RFX3: variants seen among roughly 807,000 people sequenced by gnomAD.
RFX3 encodes the protein regulatory factor X3, also known as transcription factor RFX3.
A neutral mutation model predicts 98.6 loss-of-function variants in RFX3; 14 were observed. The observed-to-expected ratio is 0.14, with a 90% confidence interval of 0.09 to 0.22. The LOEUF (loss-of-function observed/expected upper bound fraction) is 0.22, where lower values mean the gene tolerates loss of function less well. Ranked by LOEUF, RFX3 falls within the 10% of genes least tolerant of loss-of-function variation. The probability of loss-of-function intolerance (pLI) is 1.00; values close to 1 mark genes in which losing one functional copy is unlikely to be tolerated. For synonymous variants in RFX3, 383 were observed against 328.4 expected, an observed-to-expected ratio of 1.17 and a Z score of -1.80; for missense variants, 639 against 926.9, an observed-to-expected ratio of 0.69 and a Z score of 4.03.
Position 3,422,909 on chromosome 9 carries a change from T to TA in RFX3, c.-8-27314dup, listed in dbSNP as rs1415078960. 8.5e-5 allele frequency among the ~76,000 whole-genome samples: 13 copies of TA among 152,150 alleles called. 1 individual carries two copies. In the South Asian group the frequency reaches 1.7e-3, roughly 19 times the overall value. On this transcript the variant is annotated intron_variant, in intron 1 of 16. Coordinates refer to ENST00000617270, the MANE Select transcript of RFX3 (RefSeq NM_001282116.2). Reference sequence around the variant, plus strand: ...TGGACTGTGACAATGGAGCTATATTTAAAAAAATAATTAAAAACCTCTATA... The same window carrying TA: ...TGGACTGTGACAATGGAGCTATATTTAAAAAAAATAATTAAAAACCTCTATA...
intron 1 of RFX3, among the ~76,000 whole-genome samples, chr9:3,405,405 C>G (rs1841865248): frequency 6.6e-6 from 1 of 152,180 alleles, no homozygotes; most frequent in Non-Finnish European, 1.5e-5. Flanking sequence ...AGATTTTTAA[C>G]TACCCATTGA....
chr9:3,296,115 T>C (rs572725489), intron 5 of RFX3, among the ~76,000 whole-genome samples: 5 of 152,034 alleles, frequency 3.3e-5, no homozygotes, highest in African/African-American at 7.2e-5. Flanking sequence ...AATCCAATAA[T>C]AGAATATTTG....
chr9:3,467,173 TG>T (rs1848359326), intron 1 of RFX3, among the ~76,000 whole-genome samples: 1 of 126,338 alleles, frequency 7.9e-6, no homozygotes, highest in African/African-American at 3.4e-5. Flanking sequence ...ACGTATATAA[TG>T]TATATATGTA....
intron 2 of RFX3, among the ~76,000 whole-genome samples, chr9:3,391,704 A>G (rs576384820): frequency 2.0e-5 from 3 of 152,254 alleles, no homozygotes; most frequent in Admixed American, 6.5e-5. Flanking sequence ...TCTTCTATTT[A>G]TGGCTAGTGA....
chr9:3,289,706 G>T lies in RFX3; in HGVS notation c.732-1456C>A, dbSNP rs374631288. Among the ~76,000 whole-genome samples, 8 of 152,114 alleles carry T rather than the reference G, an allele frequency of 5.3e-5. No homozygotes were observed. The East Asian group carries it at 9.7e-4, about 18-fold the overall frequency. On this transcript the variant is annotated intron_variant, in intron 6 of 16. Transcript: ENST00000617270. ...GGAGAGGTTCTTTTTATTTCATTGG[G>T]AATGGTTGGGGGAGAGAAGCATATC...
At chr9:3,275,455 T>C in intron 9 of RFX3, 45 bp downstream of exon 9, 1 of 1,096,928 alleles carries the variant, frequency 9.1e-7, no homozygotes, top group South Asian at 1.3e-5. Context: ...GCAAGTTATC[T>C]GGCAAAACCT....
intron 1 of RFX3, among the ~76,000 whole-genome samples, chr9:3,478,691 G>A (rs920853924): frequency 6.6e-6 from 1 of 152,036 alleles, no homozygotes; most frequent in African/African-American, 2.4e-5. Flanking sequence ...GGTCATTTCC[G>A]GGCATGTGTA....
In RFX3 at chr9:3,514,084, A is replaced by G. The variant is rs530952798; in HGVS notation, c.-9+11663T>C. Among the ~76,000 whole-genome samples the G allele has an allele frequency of 8.5e-5, 13 of 152,328 alleles. No homozygotes were observed. In the South Asian group the frequency reaches 2.7e-3, roughly 32 times the overall value. On this transcript the variant is annotated intron_variant, in intron 1 of 16. Transcript: ENST00000617270. ...CAGCATTCATGGCCTTTATTAACTG[A>G]AAGTAGCCTCTAAAAATCATCATAC...
At chr9:3,489,764 G>A (rs561970594) in intron 1 of RFX3, among the ~76,000 whole-genome samples, 55 of 152,244 alleles carry the variant, frequency 3.6e-4, no homozygotes, top group Middle Eastern at 3.4e-3. Context: ...GACAGGAAAA[G>A]ACTAACCTAT....
chr9:3,514,647 C>A (rs1817976968), intron 1 of RFX3, among the ~76,000 whole-genome samples: 1 of 152,156 alleles, frequency 6.6e-6, no homozygotes, highest in Admixed American at 6.5e-5. Flanking sequence ...CAGGGTCTCA[C>A]TATGTTGCCC....
intron 2 of RFX3, among the ~76,000 whole-genome samples, chr9:3,381,245 T>A (rs1839160554): frequency 6.6e-6 from 1 of 152,126 alleles, no homozygotes; most frequent in South Asian, 2.1e-4. Flanking sequence ...CCCAAAATTA[T>A]TGGTAAAAAG....
intron 1 of RFX3, among the ~76,000 whole-genome samples, chr9:3,525,522 G>C (rs1051487124): frequency 1.3e-5 from 2 of 151,900 alleles, no homozygotes; most frequent in Non-Finnish European, 2.9e-5. Context: ...GGGCGGCGCG[G>C]CGCCCACACC....
intron 3 of RFX3, among the ~76,000 whole-genome samples, chr9:3,342,340 C>A (rs1408394391): frequency 6.6e-6 from 1 of 152,028 alleles, no homozygotes; most frequent in East Asian, 1.9e-4. Flanking sequence ...CTTGTGTAAC[C>A]ACAGAACTCT....
Position 3,229,116 on chromosome 9 carries a change from A to T in RFX3, c.1969-227T>A, listed in dbSNP as rs117313100. On this transcript the variant is annotated intron_variant, in intron 15 of 16. Transcript: ENST00000617270. ...TGTCTTAGCCTCTTCGCAGAAGGATAACAATTTTCTCTGCTTTCCTTGCTC... is the reference window on the plus strand; with the variant it reads ...TGTCTTAGCCTCTTCGCAGAAGGATTACAATTTTCTCTGCTTTCCTTGCTC... Among the ~76,000 whole-genome samples, 255 of 152,330 alleles carry T rather than the reference A, an allele frequency of 1.7e-3. 1 individual carries two copies. Among genetic ancestry groups the T allele is most frequent in the Non-Finnish European group, 3.0e-3 (204 of 68,036 alleles).
rs145252715 is a variant in RFX3 at position 3,521,002 on chromosome 9, C to G, written c.-9+4745G>C. On this transcript the variant is annotated intron_variant, in intron 1 of 16. Transcript: ENST00000617270. Reference sequence around the variant, plus strand: ...CAGAATTATCTAGATAATGTCAATACTATTTTATTATGAATTAGCCTGATA... The same window carrying G: ...CAGAATTATCTAGATAATGTCAATAGTATTTTATTATGAATTAGCCTGATA... Among the ~76,000 whole-genome samples the G allele has an allele frequency of 4.3e-3, 661 of 152,184 alleles. 3 individuals are homozygous for G. The highest frequency in any genetic ancestry group is 0.016 in the African/African-American group (645 of 41,508).
At chr9:3,434,463 T>G (rs138410062) in intron 1 of RFX3, among the ~76,000 whole-genome samples, 7 of 152,274 alleles carry the variant, frequency 4.6e-5, no homozygotes, top group African/African-American at 1.7e-4. Context: ...GGTCTATGTA[T>G]ACACTACAAA....
rs543927675 is a variant in RFX3, at chr9:3,302,887, T to C, written c.475-1267A>G. Among the ~76,000 whole-genome samples, 69 of 151,968 alleles carry C rather than the reference T, an allele frequency of 4.5e-4. 1 individual carries two copies. Among genetic ancestry groups the C allele is most frequent in the African/African-American group, 1.6e-3 (66 of 41,538 alleles). The stretch of plus-strand genomic sequence containing the variant: ...TTAGAAGTTAATAGCTTTAATTTTA[T>C]TTTACATTATTTTCCCACGTTGCTA... On this transcript the variant is annotated intron_variant, in intron 4 of 16. Transcript: ENST00000617270.
At chr9:3,373,981 A>C (rs1307697632) in intron 2 of RFX3, among the ~76,000 whole-genome samples, 2 of 151,920 alleles carry the variant, frequency 1.3e-5, no homozygotes, top group African/African-American at 4.8e-5. Flanking sequence ...GGGAGGCTGA[A>C]GCAGAAGAAT....
chr9:3,248,543 G>T (rs636548), intron 14 of RFX3, among the ~76,000 whole-genome samples: 114,709 of 152,098 alleles, frequency 0.75, 45,719 homozygotes, highest in Non-Finnish European at 0.88. Flanking sequence ...AAAACAACTT[G>T]AGTGAAAATC....
Sources: allele counts gnomAD v4.1 joint callset (sites outside exome capture counted in the v4.1 genomes callset), GRCh38; gene constraint gnomAD v4.1.1; transcripts MANE v1.5; gene names NCBI Gene and HGNC (gene_info 2026-07-23, HGNC 2026-07-21).